The following DVL2 variants were observed in gnomAD, a reference collection of about 807,000 sequenced individuals.
The protein encoded by DVL2 is segment polarity protein dishevelled homolog DVL-2.
DVL2 carries 38 observed loss-of-function variants against 69.8 expected under a neutral mutation model. The observed-to-expected ratio is 0.54, with a 90% confidence interval of 0.42 to 0.71. The LOEUF is 0.71. DVL2 is among the 30% of genes least tolerant of loss of function. The pLI is 0.00. For synonymous variants in DVL2, 428 were observed against 392.4 expected, an observed-to-expected ratio of 1.09 and a Z score of -1.07; for missense variants, 931 against 1,008.1, an observed-to-expected ratio of 0.92 and a Z score of 1.04.
chr17:7,225,829 C>G lies in DVL2; in HGVS notation c.*36G>C. The stretch of plus-strand genomic sequence containing the variant: ...GACGGCCAGGACACCCAGTCACACA[C>G]CAGGAGCGCCCGGCCCAGCCTGGCC... On this transcript the variant is annotated 3_prime_UTR_variant, in exon 15 of 15. Coordinates refer to ENST00000005340, the MANE Select transcript of DVL2 (RefSeq NM_004422.3). 2 of 1,587,592 alleles carry G rather than the reference C, an allele frequency of 1.3e-6. No individual in the cohort carries two copies. Among genetic ancestry groups the G allele is most frequent in the Non-Finnish European group, 1.7e-6 (2 of 1,157,694 alleles).
Position 7,227,440 on chromosome 17 carries a change from T to C in DVL2, c.1327A>G (p.Met443Val), listed in dbSNP as rs1324693779. 3.1e-6 allele frequency: 5 copies of C among 1,614,204 alleles called. No homozygotes were observed. The highest frequency in any genetic ancestry group is 1.3e-5 in the African/African-American group (1 of 75,068). The change falls in exon 12 of 15, where the codon ATG (methionine) becomes GTG (valine). Residue 443 changes from methionine to valine, a missense_variant. Met to Val is a conservative substitution (Grantham distance 21). Coordinates refer to ENST00000005340, the MANE Select transcript of DVL2 (RefSeq NM_004422.3). Reference sequence around the variant, plus strand: ...TTAGGGATGGTGATCTTGAGCCACATGCGGTCCCGGACTTCCAGTCCAGAC... The same window carrying C: ...TTAGGGATGGTGATCTTGAGCCACACGCGGTCCCGGACTTCCAGTCCAGAC... ...PESGLEVRDR[M>V]WLKITIPNAF...
At chr17:7,233,592 G>A (rs997432875) in intron 1 of DVL2, among the ~76,000 whole-genome samples, 1 of 151,988 alleles carries the variant, frequency 6.6e-6, no homozygotes, top group Non-Finnish European at 1.5e-5. Context: ...CTACAGGCGC[G>A]TGCCCCCACG....
In DVL2 at chr17:7,234,363, G is replaced by C. The variant is rs527354635; in HGVS notation, c.-101C>G. 119 of 1,345,972 alleles carry C rather than the reference G, an allele frequency of 8.8e-5. No homozygotes were observed. The East Asian group carries it at 2.6e-3, about 29-fold the overall frequency. 83.4% of individuals were successfully genotyped at this position (1,345,972 alleles called of 1,614,324 possible). ...GCAAACCGACGCGCGAGCGCGGACAGGACTGACCCAGTACGGGAGAGAAGC... is the reference window on the plus strand; with the variant it reads ...GCAAACCGACGCGCGAGCGCGGACACGACTGACCCAGTACGGGAGAGAAGC... On this transcript the variant is annotated 5_prime_UTR_variant, in exon 1 of 15. Coordinates refer to ENST00000005340, the MANE Select transcript of DVL2 (RefSeq NM_004422.3).
chr17:7,229,683 C>A lies in DVL2; in HGVS notation c.657-5G>T. 6.4e-7 allele frequency: 1 copy of A among 1,553,308 alleles called. No individual in the cohort carries two copies. The highest frequency in any genetic ancestry group is 1.2e-5 in the South Asian group (1 of 81,570). On this transcript the variant is annotated splice_region_variant and splice_polypyrimidine_tract_variant and intron_variant, in intron 5 of 14. Transcript: ENST00000005340. This position sits in a 1 kb window ranked among gnomAD's most constrained non-coding sequence, Gnocchi z 4.4. ...TGCTCCGTGGAGCTGCTGAACCTAC[C>A]AGGAGGTTGGGAAGGAGAGCAAACG...
In DVL2 at chr17:7,225,608, A is replaced by C; in HGVS notation, c.*257T>G. The C allele has an allele frequency of 1.9e-6, 1 of 529,800 alleles. No homozygotes were observed. Among genetic ancestry groups the C allele is most frequent in the Non-Finnish European group, 3.3e-6 (1 of 300,156 alleles). The allele number at this position is 529,800 out of a possible 1,614,324, so 32.8% of individuals were successfully genotyped here. On this transcript the variant is annotated 3_prime_UTR_variant, in exon 15 of 15. Transcript: ENST00000005340. ...AGGAAATGCCTATTAAAAAAGTCCC[A>C]AAAATGTAAGAAACTCTATTTTAAC...
chr17:7,232,309 T>C (rs1355558818), intron 1 of DVL2, among the ~76,000 whole-genome samples: 2 of 152,208 alleles, frequency 1.3e-5, no homozygotes, highest in African/African-American at 4.8e-5. Context: ...GTTAGCCTAA[T>C]ATGGTCATGG....
chr17:7,227,404 C>G lies in DVL2; in HGVS notation c.1363G>C (p.Gly455Arg). Residue 455 changes from glycine to arginine, a missense_variant and splice_region_variant, in exon 12 of 15, where the codon GGC becomes CGC. Transcript: ENST00000005340. ...LKITIPNAFL[G>R]SDVVDWLYHH... ...CCACCTGCCCAGGACCCAGCCATAC[C>G]CAGAAAGGCATTAGGGATGGTGATC... 6.2e-7 allele frequency: 1 copy of G among 1,613,780 alleles called. No homozygotes were observed. Among genetic ancestry groups the G allele is most frequent in the Middle Eastern group, 1.7e-4 (1 of 6,060 alleles).
chr17:7,229,264 G>A lies in DVL2; in HGVS notation c.828C>T (p.Asn276=). 2 of 1,614,170 alleles carry A rather than the reference G, an allele frequency of 1.2e-6. No individual in the cohort carries two copies. The highest frequency in any genetic ancestry group is 1.1e-5 in the South Asian group (1 of 91,078). Reference sequence around the variant, plus strand: ...GGCCAACAATGGAGATACCCAGGAAGTTGTACTTCTCTGTGGAGAGAGGCC... The same window carrying A: ...GGCCAACAATGGAGATACCCAGGAAATTGTACTTCTCTGTGGAGAGAGGCC... The part of the protein sequence containing the change: ...ITVTLNMEKY[N]FLGISIVGQS... The change falls in exon 8 of 15, where the codon AAC becomes AAT. Residue 276 remains asparagine, a synonymous_variant. Transcript: ENST00000005340. This position sits in a 1 kb window ranked among gnomAD's most constrained non-coding sequence, Gnocchi z 4.4.
rs1807858319 is a variant in DVL2 at position 7,228,747 on chromosome 17, A to T, written c.1034+222T>A. The T allele has an allele frequency of 1.1e-5, 6 of 528,648 alleles. No homozygotes were observed. In the South Asian group the frequency reaches 1.3e-4, roughly 11 times the overall value. The allele number at this position is 528,648 out of a possible 1,614,324, so 32.7% of individuals were successfully genotyped here. On this transcript the variant is annotated intron_variant, in intron 9 of 14. Transcript: ENST00000005340. ...CAGGCATGTGCCACCATGCCCACTT[A>T]ATTTTTCTATTTTTAGTAGAGACAC...
Position 7,227,169 on chromosome 17 carries a change from G to A in DVL2, c.1464C>T (p.Ile488=). Residue 488 remains isoleucine, a synonymous_variant, in exon 13 of 15, where the codon ATC becomes ATT. Transcript: ENST00000005340. ...YASGLLKAGL[I]RHTVNKITFS... ...AGGTGATCTTGTTGACGGTGTGTCG[G>A]ATCAGGCCTGCTTTGAGCAGCCCGC... 6.2e-7 allele frequency: 1 copy of A among 1,614,124 alleles called. No individual in the cohort carries two copies. The highest frequency in any genetic ancestry group is 2.2e-5 in the East Asian group (1 of 44,888).
chr17:7,230,731 G>T lies in DVL2; in HGVS notation c.261C>A (p.Ser87=), dbSNP rs1388100986. Residue 87 remains serine (S), a synonymous_variant, in exon 2 of 15, where the codon TCC becomes TCA. Transcript: ENST00000005340. ...RLPCFNGRVV[S]WLVSSDNPQP... ...CCTCGGTGTCAGAACCTCTTACCCA[G>T]GATACCACCCTTCCGTTGAAGCAGG... 4 of 1,612,676 alleles carry T rather than the reference G, an allele frequency of 2.5e-6. No homozygotes were observed. In the South Asian group the frequency reaches 4.4e-5, roughly 18 times the overall value.
chr17:7,226,611 G>A lies in DVL2; in HGVS notation c.1572C>T (p.Asn524=), dbSNP rs761606568. 10 of 1,581,550 alleles carry A rather than the reference G, an allele frequency of 6.3e-6. No homozygotes were observed. The highest frequency in any genetic ancestry group is 2.3e-5 in the East Asian group (1 of 44,286). Residue 524 remains asparagine (N), a synonymous_variant, in exon 14 of 15, where the codon AAC becomes AAT. Transcript: ENST00000005340. Reference sequence around the variant, plus strand: ...GGTCTGAAGCCCCACTGGAGCCATCGTTGTCATTGAGAGACAGGTTGACTA... The same window carrying A: ...GGTCTGAAGCCCCACTGGAGCCATCATTGTCATTGAGAGACAGGTTGACTA... ...SYLVNLSLND[N]DGSSGASDQD...
Position 7,227,703 on chromosome 17 carries a change from C to A in DVL2, c.1183G>T (p.Gly395Cys), listed in dbSNP as rs762396088. ...ALTGTFPAYP[G>C]SSSMSTITSG... ...GTAATGGTGCTCATGGAGGAGGAACCTGGATAGGCTGGGAAGGTGCCAGTC... is the reference window on the plus strand; with the variant it reads ...GTAATGGTGCTCATGGAGGAGGAACATGGATAGGCTGGGAAGGTGCCAGTC... Residue 395 changes from glycine (G) to cysteine (C), a missense_variant, in exon 11 of 15, where the codon GGT becomes TGT. Gly to Cys is a radical substitution (Grantham distance 159). This residue lies in a region of DVL2 where 555 missense variants were observed against 588.8 expected (regional missense o/e 0.94). Coordinates refer to ENST00000005340, the MANE Select transcript of DVL2 (RefSeq NM_004422.3). The A allele has an allele frequency of 6.2e-7, 1 of 1,612,696 alleles. No homozygotes were observed. The highest frequency in any genetic ancestry group is 1.3e-5 in the African/African-American group (1 of 74,920).
rs371764720 is a variant in DVL2, at chr17:7,230,363, G to A, written c.332C>T (p.Ala111Val). The stretch of plus-strand genomic sequence containing the variant: ...AGGAGGTAAAGGTGGGGCTGGAGGC[G>A]CCAGTTCTGCCCGAGGCTCATGGAC... ...PPVHEPRAEL[A>V]PPAPPLPPLP... The change falls in exon 3 of 15, where the codon GCG becomes GTG. Residue 111 changes from alanine to valine, a missense_variant. Ala to Val is a moderately conservative substitution (Grantham distance 64, BLOSUM62 0). Transcript: ENST00000005340. The A allele has an allele frequency of 3.4e-4, 546 of 1,614,152 alleles. 4 individuals are homozygous for A. The highest frequency in any genetic ancestry group is 2.8e-3 in the South Asian group (257 of 91,082).
chr17:7,230,405 G>T lies in DVL2; in HGVS notation c.290C>A (p.Pro97His), dbSNP rs1181517729. ...SWLVSSDNPQ[P>H]EMAPPVHEPR... is the part of the protein sequence containing the mutation. The stretch of plus-strand genomic sequence containing the variant: ...CTCATGGACTGGAGGGGCCATCTCG[G>T]GTTGGGGATTATCTGAGGACACCAG... The change falls in exon 3 of 15, where the codon CCC becomes CAC. Residue 97 changes from proline to histidine, a missense_variant. Around this residue, in one of 3 missense-constraint regions of DVL2, gnomAD observed 555 missense variants for 588.8 expected, o/e 0.94. Transcript: ENST00000005340. 6.2e-7 allele frequency: 1 copy of T among 1,614,198 alleles called. No homozygotes were observed.
Position 7,234,454 on chromosome 17 carries a change from G to C in DVL2, c.-192C>G. 1 of 648,952 alleles carries C rather than the reference G, an allele frequency of 1.5e-6. No individual in the cohort carries two copies. Among genetic ancestry groups the C allele is most frequent in the Non-Finnish European group, 2.4e-6 (1 of 409,122 alleles). The allele number at this position is 648,952 out of a possible 1,614,324, so 40.2% of individuals were successfully genotyped here. A position where few individuals can be genotyped will look rare whatever the true frequency, so the allele number is the denominator to read the frequency against. On this transcript the variant is annotated 5_prime_UTR_variant, in exon 1 of 15. Coordinates refer to ENST00000005340, the MANE Select transcript of DVL2 (RefSeq NM_004422.3). ...GGCGGGCCGCGGGGTGCGACTCAAA[G>C]CCCCGGTCTCAGCGGCCGCCGCGCG...
At position 7,229,828 on chromosome 17, in the gene DVL2, G is replaced by A. The variant is rs903803977; in HGVS notation, c.636C>T (p.Asp212=). Residue 212 remains aspartate, a synonymous_variant, in exon 5 of 15, where the codon GAC becomes GAT. Coordinates refer to ENST00000005340, the MANE Select transcript of DVL2 (RefSeq NM_004422.3). The surrounding 1 kb of genome is among the most constrained non-coding windows in gnomAD (Gnocchi z 4.4). ...CACACCTGCTCATGGTGTCCTCCTC[G>A]TCCGAGTCCCCCAGGCTGGTACTCT... ...ELESTSLGDS[D]EEDTMSRFSS... 5.0e-6 allele frequency: 8 copies of A among 1,612,082 alleles called. No homozygotes were observed. Among genetic ancestry groups the A allele is most frequent in the Middle Eastern group, 1.6e-4 (1 of 6,070 alleles).
intron 2 of DVL2, 131 bp downstream of exon 2, chr17:7,230,597 C>A: frequency 7.5e-7 from 1 of 1,328,756 alleles, no homozygotes; most frequent in South Asian, 1.4e-5. Context: ...CTCGCCGGCT[C>A]TCCAAACAGA....
At position 7,226,077 on chromosome 17, in the gene DVL2, A is replaced by G. The variant is rs1024042756; in HGVS notation, c.1999T>C (p.Tyr667His). The G allele has an allele frequency of 3.1e-6, 5 of 1,599,646 alleles. No homozygotes were observed. In the African/African-American group the frequency reaches 5.4e-5, roughly 17 times the overall value. Residue 667 changes from tyrosine (Y) to histidine (H), a missense_variant, in exon 15 of 15, where the codon TAT becomes CAT. Coordinates refer to ENST00000005340, the MANE Select transcript of DVL2 (RefSeq NM_004422.3). ...AGGGCCATGCCAGGGGGCGGTCCATAGGGATGGAGCCCTGGGTGGGCTCGG... is the reference window on the plus strand; with the variant it reads ...AGGGCCATGCCAGGGGGCGGTCCATGGGGATGGAGCCCTGGGTGGGCTCGG... ...NLRAHPGLHP[Y>H]GPPPGMALPY...
Sources: allele counts gnomAD v4.1 joint callset (sites outside exome capture counted in the v4.1 genomes callset), GRCh38; gene constraint gnomAD v4.1.1; regional missense constraint gnomAD v4.1.1; non-coding constraint Gnocchi (gnomAD v3.1); transcripts MANE v1.5; gene names NCBI Gene and HGNC (gene_info 2026-07-23, HGNC 2026-07-21).